PPM1H: variants seen among roughly 807,000 people sequenced by gnomAD.
PPM1H encodes protein phosphatase, Mg2+/Mn2+ dependent 1H.
In PPM1H, 27 loss-of-function variants were observed where a neutral mutation model predicts 54.9. That is an observed-to-expected ratio of 0.49 (90% CI 0.36 to 0.68). The LOEUF is 0.68. PPM1H is among the 30% of genes least tolerant of loss of function. The probability of loss-of-function intolerance (pLI) is 0.00; values close to 1 mark genes in which losing one functional copy is unlikely to be tolerated. For missense variants in PPM1H, 596 were observed against 667.8 expected (o/e 0.89, Z 1.19); for synonymous variants, 305 against 270.8 (o/e 1.13, Z -1.24).
chr12:62,815,414 C>G lies in PPM1H; in HGVS notation c.412-13254G>C, dbSNP rs114707706. On this transcript the variant is annotated intron_variant, in intron 2 of 9. Transcript: ENST00000228705. ...ATGGCAATTTAGACCTGTCTTAAAA[C>G]ATTAATTTATAAAAGGAAGTACAAA... Among the ~76,000 whole-genome samples, 899 of 152,260 alleles carry G rather than the reference C, an allele frequency of 5.9e-3. 17 individuals are homozygous for G. The highest frequency in any genetic ancestry group is 0.021 in the African/African-American group (861 of 41,548).
chr12:62,706,989 T>A (rs2076178453), intron 6 of PPM1H, among the ~76,000 whole-genome samples: 1 of 152,234 alleles, frequency 6.6e-6, no homozygotes, highest in Non-Finnish European at 1.5e-5. Context: ...TAACCTGAGC[T>A]TTGACGTTCA....
At chr12:62,752,937 C>T (rs1230660508) in intron 4 of PPM1H, among the ~76,000 whole-genome samples, 1 of 152,154 alleles carries the variant, frequency 6.6e-6, no homozygotes, top group African/African-American at 2.4e-5. Flanking sequence ...GGAGAAGACA[C>T]TGCATTTTGG....
Position 62,788,302 on chromosome 12 carries a change from T to C in PPM1H, c.793A>G (p.Ile265Val). ...QIERERSSYN[I>V]SGGCTALIVI... Reference sequence around the variant, plus strand: ...ATGAGGGCCGTGCAGCCACCAGATATATTATATGAACTCCTCTCTCGTTCT... The same window carrying C: ...ATGAGGGCCGTGCAGCCACCAGATACATTATATGAACTCCTCTCTCGTTCT... The change falls in exon 4 of 10, where the codon ATA (isoleucine) becomes GTA (valine). Residue 265 changes from isoleucine to valine, a missense_variant. Around this residue, in one of 3 missense-constraint regions of PPM1H, gnomAD observed 382 missense variants for 387.1 expected, o/e 0.99. Transcript: ENST00000228705. 2 of 1,589,752 alleles carry C rather than the reference T, an allele frequency of 1.3e-6. No individual in the cohort carries two copies. Among genetic ancestry groups the C allele is most frequent in the Non-Finnish European group, 8.6e-7 (1 of 1,166,960 alleles).
At chr12:62,920,532 G>A (rs1871762664) in intron 1 of PPM1H, among the ~76,000 whole-genome samples, 1 of 145,010 alleles carries the variant, frequency 6.9e-6, no homozygotes, top group African/African-American at 2.6e-5. Flanking sequence ...ATGTTGCTCA[G>A]GCTGGTCTTG....
intron 1 of PPM1H, among the ~76,000 whole-genome samples, chr12:62,834,712 G>A (rs1485204942): frequency 1.3e-5 from 2 of 152,206 alleles, no homozygotes; most frequent in African/African-American, 2.4e-5. Context: ...AAGTCACTGG[G>A]GGGGCCTGCT....
intron 9 of PPM1H, among the ~76,000 whole-genome samples, chr12:62,663,851 C>T (rs184514115): frequency 1.4e-4 from 22 of 152,222 alleles, no homozygotes; most frequent in South Asian, 8.3e-4. Flanking sequence ...ATTAGCTGGG[C>T]GTGGTGGCAC....
At chr12:62,676,353 G>A (rs993284015) in intron 8 of PPM1H, among the ~76,000 whole-genome samples, 27 of 152,202 alleles carry the variant, frequency 1.8e-4, no homozygotes, top group Non-Finnish European at 2.8e-4. Context: ...TGTAGCAGGG[G>A]TGGCACAGCC....
intron 9 of PPM1H, among the ~76,000 whole-genome samples, chr12:62,659,614 GAAAAAC>G (rs1451424623): frequency 6.6e-6 from 1 of 152,050 alleles, no homozygotes; most frequent in East Asian, 1.9e-4. Flanking sequence ...GGAGGTAAAA[GAAAAAC>G]AAAAAGAAAA....
At chr12:62,704,756 T>C (rs2076163809) in intron 6 of PPM1H, among the ~76,000 whole-genome samples, 1 of 152,168 alleles carries the variant, frequency 6.6e-6, no homozygotes, top group Admixed American at 6.6e-5. Flanking sequence ...GCTGCTGGCT[T>C]TTTTTCCTCC....
chr12:62,709,606 C>T (rs1217341905), intron 6 of PPM1H, among the ~76,000 whole-genome samples: 3 of 152,148 alleles, frequency 2.0e-5, no homozygotes, highest in Admixed American at 6.5e-5. Flanking sequence ...TCTCCCCTCT[C>T]AAAACAACTA....
intron 1 of PPM1H, among the ~76,000 whole-genome samples, chr12:62,869,484 C>T (rs1021524012): frequency 6.6e-6 from 1 of 152,166 alleles, no homozygotes; most frequent in Non-Finnish European, 1.5e-5. Context: ...TGGATGCAGG[C>T]AATGTGACTT....
chr12:62,921,208 C>T (rs1218116321), intron 1 of PPM1H, among the ~76,000 whole-genome samples: 1 of 152,104 alleles, frequency 6.6e-6, no homozygotes, highest in Non-Finnish European at 1.5e-5. Context: ...GGATTACAGG[C>T]ATGAGCCACC....
At chr12:62,817,113 T>C in intron 2 of PPM1H, among the ~76,000 whole-genome samples, 1 of 42,800 alleles carries the variant, frequency 2.3e-5, no homozygotes, top group African/African-American at 1.0e-4. Context: ...ACCACTGCAT[T>C]ACTAAAAAAA....
intron 4 of PPM1H, among the ~76,000 whole-genome samples, chr12:62,767,637 T>C (rs2120636742): frequency 6.6e-6 from 1 of 152,220 alleles, no homozygotes. Flanking sequence ...AGAGTGAGGA[T>C]GGTATGTGTG....
intron 1 of PPM1H, among the ~76,000 whole-genome samples, chr12:62,877,212 T>C (rs761464812): frequency 1.4e-4 from 21 of 152,222 alleles, no homozygotes; most frequent in Non-Finnish European, 2.5e-4. Context: ...CCAGGACTTA[T>C]ACTGTGTGAG....
intron 1 of PPM1H, among the ~76,000 whole-genome samples, chr12:62,852,325 A>T (rs1211224543): frequency 2.0e-5 from 3 of 151,350 alleles, no homozygotes; most frequent in Non-Finnish European, 4.4e-5. Context: ...CCTTTATAAG[A>T]GAAACCCCTG....
intron 9 of PPM1H, among the ~76,000 whole-genome samples, chr12:62,658,039 T>A: frequency 7.7e-6 from 1 of 130,408 alleles, no homozygotes; most frequent in African/African-American, 3.1e-5. Flanking sequence ...AGACAGAGGG[T>A]CATTAAATCC....
At chr12:62,698,445 T>A (rs765078133) in intron 6 of PPM1H, among the ~76,000 whole-genome samples, 1 of 152,122 alleles carries the variant, frequency 6.6e-6, no homozygotes, top group African/African-American at 2.4e-5. Context: ...AAGTTTCCTT[T>A]TCCTTAGTTC....
At chr12:62,693,461 G>A (rs999062858) in intron 7 of PPM1H, among the ~76,000 whole-genome samples, 1 of 152,190 alleles carries the variant, frequency 6.6e-6, no homozygotes, top group African/African-American at 2.4e-5. Context: ...TCTGAGACGC[G>A]CGAAGCAGAC....
Sources: gnomAD v4.1 joint callset for allele counts (sites outside exome capture counted in the v4.1 genomes callset) on GRCh38, gnomAD v4.1.1 for gene constraint, gnomAD v4.1.1 regional missense constraint, MANE v1.5 for transcripts, NCBI Gene and HGNC (gene_info 2026-07-23, HGNC 2026-07-21) for gene names.